The following SCFD1 variants were observed in gnomAD, a reference collection of about 807,000 sequenced individuals.
SCFD1 encodes the protein sec1 family domain containing 1.
In SCFD1, 37 loss-of-function variants were observed where a neutral mutation model predicts 103.2. The ratio of observed to expected loss-of-function variants is 0.36; its 90% CI spans 0.28 to 0.47. The LOEUF (loss-of-function observed/expected upper bound fraction) is 0.47. Ranked by LOEUF, SCFD1 falls within the 20% of genes least tolerant of loss-of-function variation. The probability of loss-of-function intolerance (pLI) is 1.00; values close to 1 mark genes in which losing one functional copy is unlikely to be tolerated. For synonymous variants in SCFD1, 264 were observed against 245.0 expected, an observed-to-expected ratio of 1.08 and a Z score of -0.73; for missense variants, 639 against 761.2, an observed-to-expected ratio of 0.84 and a Z score of 1.89.
intron 13 of SCFD1, among the ~76,000 whole-genome samples, chr14:30,674,324 T>C (rs1888827719): frequency 6.6e-6 from 1 of 152,008 alleles, no homozygotes. Context: ...AGTTAAACAG[T>C]TTTTTCTGTA....
At chr14:30,708,605 A>T (rs566361236) in intron 19 of SCFD1, among the ~76,000 whole-genome samples, 45 of 152,330 alleles carry the variant, frequency 3.0e-4, no homozygotes, top group African/African-American at 1.0e-3. Flanking sequence ...TGTTGAAAGT[A>T]CGTTAATTGA....
chr14:30,626,216 C>G (rs1430909393), intron 1 of SCFD1, among the ~76,000 whole-genome samples: 1 of 151,756 alleles, frequency 6.6e-6, no homozygotes, highest in Non-Finnish European at 1.5e-5. Context: ...TAATGTAAAA[C>G]CTGTGGGCCT....
chr14:30,649,793 G>A (rs113335609), intron 8 of SCFD1, among the ~76,000 whole-genome samples: 2,527 of 151,798 alleles, frequency 0.017, 92 homozygotes, highest in African/African-American at 0.057. Flanking sequence ...TATTTACTCC[G>A]GTGTGCTATT....
chr14:30,655,612 C>T (rs1886827388), intron 10 of SCFD1, among the ~76,000 whole-genome samples: 1 of 152,128 alleles, frequency 6.6e-6, no homozygotes, highest in South Asian at 2.1e-4. Context: ...ATGATAGCAG[C>T]TTATAGCAGG....
chr14:30,705,240 A>G (rs1481505029), intron 17 of SCFD1, among the ~76,000 whole-genome samples: 1 of 152,192 alleles, frequency 6.6e-6, no homozygotes, highest in Non-Finnish European at 1.5e-5. Flanking sequence ...CTTAAAAGGA[A>G]ATGTACAGTT....
At chr14:30,670,491 A>C in intron 11 of SCFD1, 96 bp downstream of exon 11, 1 of 846,974 alleles carries the variant, frequency 1.2e-6, no homozygotes. Context: ...AGGGTCATGT[A>C]GGTTCGTTCA....
At chr14:30,667,948 A>T (rs1309542585) in intron 10 of SCFD1, among the ~76,000 whole-genome samples, 1 of 152,262 alleles carries the variant, frequency 6.6e-6, no homozygotes, top group Non-Finnish European at 1.5e-5. Context: ...GGATAGGAAG[A>T]ATCAATATCG....
intron 17 of SCFD1, among the ~76,000 whole-genome samples, chr14:30,704,612 T>A (rs905917351): frequency 1.3e-5 from 2 of 152,198 alleles, no homozygotes; most frequent in Non-Finnish European, 2.9e-5. Context: ...TGTTTGGGAT[T>A]TCTCTAAGGG....
chr14:30,630,492 A>C lies in SCFD1; in HGVS notation c.148A>C (p.Arg50=). ...TTTTTAATAGGTACTCATTTATGACAGATTTGGCCAAGATATAATCTCTCC... is the reference window on the plus strand; with the variant it reads ...TTTTTAATAGGTACTCATTTATGACCGATTTGGCCAAGATATAATCTCTCC... ...EPVWKVLIYD[R]FGQDIISPLL... The change falls in exon 3 of 25, where the codon AGA becomes CGA. Residue 50 remains arginine, a synonymous_variant. Coordinates refer to ENST00000458591, the MANE Select transcript of SCFD1 (RefSeq NM_016106.4). The C allele has an allele frequency of 1.3e-6, 2 of 1,592,974 alleles. No homozygotes were observed. Among genetic ancestry groups the C allele is most frequent in the Non-Finnish European group, 1.7e-6 (2 of 1,161,528 alleles).
At chr14:30,666,051 T>C (rs1406846537) in intron 10 of SCFD1, among the ~76,000 whole-genome samples, 1 of 151,496 alleles carries the variant, frequency 6.6e-6, no homozygotes, top group Non-Finnish European at 1.5e-5. Context: ...AACTGAGCTC[T>C]GCACTAATAG....
intron 1 of SCFD1, among the ~76,000 whole-genome samples, chr14:30,626,497 G>C (rs1883465682): frequency 1.3e-5 from 2 of 152,176 alleles, no homozygotes; most frequent in African/African-American, 2.4e-5. Context: ...AGTGGATCAA[G>C]GCCCCGAGTT....
chr14:30,633,620 G>A (rs1321458456), intron 3 of SCFD1, among the ~76,000 whole-genome samples: 2 of 152,072 alleles, frequency 1.3e-5, no homozygotes, highest in Non-Finnish European at 2.9e-5. Flanking sequence ...ACATTTCTAT[G>A]AAAAGTGGGA....
At chr14:30,693,837 A>G (rs551359711) in intron 14 of SCFD1, among the ~76,000 whole-genome samples, 4 of 152,298 alleles carry the variant, frequency 2.6e-5, no homozygotes, top group African/African-American at 9.6e-5. Flanking sequence ...CTCCCACTTG[A>G]TTATTAACAC....
intron 23 of SCFD1, among the ~76,000 whole-genome samples, chr14:30,723,246 A>T (rs1374175835): frequency 6.6e-6 from 1 of 152,178 alleles, no homozygotes; most frequent in Admixed American, 6.5e-5. Flanking sequence ...ACAAAAACAC[A>T]CAGGCAGATG....
intron 3 of SCFD1, among the ~76,000 whole-genome samples, chr14:30,632,046 G>GAAAAAAAAAAAAAAAAAA: frequency 1.4e-5 from 1 of 70,266 alleles, no homozygotes; most frequent in Non-Finnish European, 2.6e-5. Flanking sequence ...AGATTCTGTT[G>GAAAAAAAAAAAAAAAAAA]AAAAAAAAAA....
chr14:30,633,217 A>G (rs975568746), intron 3 of SCFD1, among the ~76,000 whole-genome samples: 2 of 152,208 alleles, frequency 1.3e-5, no homozygotes, highest in African/African-American at 2.4e-5. Context: ...ACTCACTGGC[A>G]GCATGTGCCT....
intron 6 of SCFD1, among the ~76,000 whole-genome samples, chr14:30,642,818 GTTAT>G (rs761575628): frequency 6.6e-6 from 1 of 152,048 alleles, no homozygotes; most frequent in Non-Finnish European, 1.5e-5. Flanking sequence ...GTTTGTTGTG[GTTAT>G]TTATTTTTCT....
intron 5 of SCFD1, 127 bp downstream of exon 5, chr14:30,638,374 C>G (rs1186014097): frequency 3.0e-6 from 4 of 1,325,054 alleles, no homozygotes; most frequent in Non-Finnish European, 4.1e-6. Context: ...AGGCTCAATA[C>G]TTTTATAAAG....
intron 20 of SCFD1, among the ~76,000 whole-genome samples, chr14:30,716,507 CTGTT>C (rs1223922319): frequency 2.0e-5 from 3 of 152,152 alleles, no homozygotes; most frequent in African/African-American, 4.8e-5. Context: ...TCTAAGCTAT[CTGTT>C]TGTAATTCAA....
Sources: gnomAD v4.1 joint callset for allele counts (sites outside exome capture counted in the v4.1 genomes callset) on GRCh38, gnomAD v4.1.1 for gene constraint, MANE v1.5 for transcripts, NCBI Gene and HGNC (gene_info 2026-07-23, HGNC 2026-07-21) for gene names.